PREX1: variants seen among roughly 807,000 people sequenced by gnomAD.
The protein encoded by PREX1 is phosphatidylinositol-3,4,5-trisphosphate dependent Rac exchange factor 1.
In PREX1, 41 loss-of-function variants were observed where a neutral mutation model predicts 198.3. That is an observed-to-expected ratio of 0.21 (90% confidence interval 0.16 to 0.27). PREX1 has a LOEUF of 0.27. PREX1 is among the 10% of genes least tolerant of loss of function. The probability of loss-of-function intolerance (pLI) is 1.00; values close to 1 mark genes in which losing one functional copy is unlikely to be tolerated. For synonymous variants in PREX1, 843 were observed against 887.2 expected, an observed-to-expected ratio of 0.95 and a Z score of 0.89; for missense variants, 1,620 against 2,200.7, an observed-to-expected ratio of 0.74 and a Z score of 5.28.
At chr20:48,745,317 T>C (rs1429637600) in intron 2 of PREX1, among the ~76,000 whole-genome samples, 170 bp from the exon 3 acceptor site, 7 of 152,206 alleles carry the variant, frequency 4.6e-5, no homozygotes, top group Non-Finnish European at 7.3e-5. Context: ...ACAGAAATAT[T>C]ACCAATATTT....
chr20:48,634,421 A>C (rs1276640400), intron 33 of PREX1, among the ~76,000 whole-genome samples: 1 of 152,218 alleles, frequency 6.6e-6, no homozygotes, highest in Non-Finnish European at 1.5e-5. Context: ...AGAATTGGGT[A>C]CCAGTGTCAT....
intron 33 of PREX1, among the ~76,000 whole-genome samples, 166 bp downstream of exon 33, chr20:48,634,510 G>A (rs368546358): frequency 1.3e-5 from 2 of 152,068 alleles, no homozygotes; most frequent in Non-Finnish European, 2.9e-5. Flanking sequence ...CCCAAAGTTC[G>A]GCTCTCACAC....
At chr20:48,833,841 T>C in the PREX1 span, among the ~76,000 whole-genome samples, 1 of 152,108 alleles carries the variant, frequency 6.6e-6, no homozygotes, top group Admixed American at 6.5e-5. Context: ...CCCAGCACTT[T>C]GGGAGGCCGA....
chr20:48,846,238 A>G, the PREX1 span, among the ~76,000 whole-genome samples: 1 of 152,176 alleles, frequency 6.6e-6, no homozygotes, highest in Non-Finnish European at 1.5e-5. Context: ...GCATGTCCAG[A>G]AAGGGGGCTG....
intron 6 of PREX1, among the ~76,000 whole-genome samples, chr20:48,707,293 C>A (rs921929077): frequency 2.6e-5 from 4 of 152,182 alleles, no homozygotes; most frequent in Non-Finnish European, 5.9e-5. Flanking sequence ...AAATAGAGCT[C>A]TTCACTCTCC....
Position 48,737,215 on chromosome 20 carries a change from CAAAAAAAAAAAAAA to C in PREX1, c.415-2579_415-2566del, listed in dbSNP as rs140010281. 1.7e-3 allele frequency among the ~76,000 whole-genome samples: 60 copies of C among 35,308 alleles called. 2 individuals carry two copies. The highest frequency in any genetic ancestry group is 6.3e-3 in the African/African-American group (50 of 7,976). 23.2% of individuals were successfully genotyped at this position (35,308 alleles called of 152,430 possible). A position where few individuals can be genotyped will look rare whatever the true frequency, so the allele number is the denominator to read the frequency against. Reference sequence around the variant, plus strand: ...GCAGTAGGTGGGAAGGTTTTGACAGCAAAAAAAAAAAAAAAAAAAAAAAAAAAAAGACAGGCAGA... The same window carrying C: ...GCAGTAGGTGGGAAGGTTTTGACAGCAAAAAAAAAAAAAAAGACAGGCAGA... On this transcript the variant is annotated intron_variant, in intron 3 of 39. Transcript: ENST00000371941.
At chr20:48,762,182 C>G (rs2090183614) in intron 1 of PREX1, among the ~76,000 whole-genome samples, 1 of 152,248 alleles carries the variant, frequency 6.6e-6, no homozygotes, top group Non-Finnish European at 1.5e-5. Context: ...CAGAATTTAT[C>G]TCCCTTCACT....
At chr20:48,771,149 T>G (rs1223640534) in intron 1 of PREX1, among the ~76,000 whole-genome samples, 2 of 152,008 alleles carry the variant, frequency 1.3e-5, no homozygotes, top group African/African-American at 4.8e-5. Flanking sequence ...TTTTTAGGCA[T>G]GGCTGTCATC....
chr20:48,672,823 C>G (rs895699277), intron 14 of PREX1, among the ~76,000 whole-genome samples: 9 of 152,154 alleles, frequency 5.9e-5, no homozygotes, highest in Non-Finnish European at 1.3e-4. Flanking sequence ...CCCCTGCCCC[C>G]GCTCCCACAC....
At chr20:48,629,671 C>T (rs764797114) in intron 36 of PREX1, 50 bp from the exon 37 acceptor site, 1 of 1,573,846 alleles carries the variant, frequency 6.4e-7, no homozygotes, top group Non-Finnish European at 8.7e-7. Flanking sequence ...GTCCTCACAG[C>T]CCCTCAGCCC....
intron 1 of PREX1, among the ~76,000 whole-genome samples, chr20:48,762,568 G>C (rs2090186386): frequency 6.6e-6 from 1 of 152,202 alleles, no homozygotes; most frequent in Non-Finnish European, 1.5e-5. Context: ...ACAGAGCCAA[G>C]TATTTTGGGT....
chr20:48,691,974 C>T lies in PREX1; in HGVS notation c.1036+698G>A, dbSNP rs1411873219. On this transcript the variant is annotated intron_variant, in intron 8 of 39. Coordinates refer to ENST00000371941, the MANE Select transcript of PREX1 (RefSeq NM_020820.4). The surrounding 1 kb of genome is among the most constrained non-coding windows in gnomAD (Gnocchi z 5.0). ...GTGAAATCATGGCTCACTGCAGCATCGAACTCCTGGGCTAAGATGATCCTC... is the reference window on the plus strand; with the variant it reads ...GTGAAATCATGGCTCACTGCAGCATTGAACTCCTGGGCTAAGATGATCCTC... Among the ~76,000 whole-genome samples the T allele has an allele frequency of 2.0e-5, 3 of 152,226 alleles. No individual in the cohort carries two copies. Among genetic ancestry groups the T allele is most frequent in the Non-Finnish European group, 2.9e-5 (2 of 68,042 alleles).
chr20:48,681,660 G>A (rs557533251), intron 10 of PREX1, among the ~76,000 whole-genome samples: 47 of 137,834 alleles, frequency 3.4e-4, no homozygotes, highest in African/African-American at 1.0e-3. Flanking sequence ...AGGCAGGTTG[G>A]TGGATGAGTG....
At position 48,754,927 on chromosome 20, in the gene PREX1, C is replaced by T. The variant is rs1204512705; in HGVS notation, c.220-7047G>A. Reference sequence around the variant, plus strand: ...CACACAGCCCAGAGTCTGGGGAGCTCCCCAATTGCCCAATGACCCCTTCAA... The same window carrying T: ...CACACAGCCCAGAGTCTGGGGAGCTTCCCAATTGCCCAATGACCCCTTCAA... On this transcript the variant is annotated intron_variant, in intron 1 of 39. Coordinates refer to ENST00000371941, the MANE Select transcript of PREX1 (RefSeq NM_020820.4). Among the ~76,000 whole-genome samples the T allele has an allele frequency of 2.6e-5, 4 of 152,112 alleles. No homozygotes were observed. The East Asian group carries it at 7.7e-4, about 29-fold the overall frequency.
chr20:48,843,418 A>C, the PREX1 span, among the ~76,000 whole-genome samples: 1 of 152,232 alleles, frequency 6.6e-6, no homozygotes, highest in Non-Finnish European at 1.5e-5. Context: ...AATGGTCCCC[A>C]CAAGGTTAAC....
intron 7 of PREX1, among the ~76,000 whole-genome samples, chr20:48,699,154 C>G (rs2089862127): frequency 6.6e-6 from 1 of 152,072 alleles, no homozygotes; most frequent in South Asian, 2.1e-4. Flanking sequence ...CTTAGGAGGC[C>G]AGCACAGACA....
At chr20:48,643,685 G>C (rs1196854697) in intron 27 of PREX1, among the ~76,000 whole-genome samples, 1 of 151,800 alleles carries the variant, frequency 6.6e-6, no homozygotes, top group Non-Finnish European at 1.5e-5. Context: ...TTGTTTGCTT[G>C]TTTCTTGAGA....
chr20:48,632,816 C>T (rs1274217432), intron 33 of PREX1, among the ~76,000 whole-genome samples, 177 bp from the exon 34 acceptor site: 2 of 152,138 alleles, frequency 1.3e-5, no homozygotes. Context: ...GCCCTCCTGC[C>T]CTCTAGGGAC....
intron 31 of PREX1, 27 bp from the exon 32 acceptor site, chr20:48,636,710 C>CAGGAGGCCT (rs773622376): frequency 6.4e-7 from 1 of 1,561,244 alleles, no homozygotes; most frequent in Non-Finnish European, 8.7e-7. Flanking sequence ...GGAGGCCTTG[C>CAGGAGGCCT]TGGAGGGGCG....
Sources: allele counts gnomAD v4.1 joint callset (sites outside exome capture counted in the v4.1 genomes callset), GRCh38; gene constraint gnomAD v4.1.1; non-coding constraint Gnocchi (gnomAD v3.1); transcripts MANE v1.5; gene names NCBI Gene and HGNC (gene_info 2026-07-23, HGNC 2026-07-21).